The following LRCH3 variants were observed in gnomAD, a reference collection of about 807,000 sequenced individuals.
LRCH3 encodes leucine rich repeats and calponin homology domain containing 3.
LRCH3 carries 68 observed loss-of-function variants against 104.5 expected under a neutral mutation model. The observed-to-expected ratio is 0.65, with a 90% CI of 0.54 to 0.80. The LOEUF is 0.80. Ranked by LOEUF, LRCH3 falls within the 30% of genes least tolerant of loss-of-function variation. The pLI, the probability that LRCH3 is intolerant of heterozygous loss-of-function variation, is 0.00. For synonymous variants in LRCH3, 344 were observed against 361.3 expected, an observed-to-expected ratio of 0.95 and a Z score of 0.54; for missense variants, 951 against 953.9, an observed-to-expected ratio of 1.00 and a Z score of 0.04.
At position 197,854,431 on chromosome 3, in the gene LRCH3, A is replaced by G. The variant is rs1484280668; in HGVS notation, c.1630A>G (p.Ser544Gly). 1.9e-6 allele frequency: 3 copies of G among 1,614,152 alleles called. No individual in the cohort carries two copies. Among genetic ancestry groups the G allele is most frequent in the Admixed American group, 3.3e-5 (2 of 60,022 alleles). ...CAGAAGGTCTCAGCACACTGATGAT[A>G]GTGCCTTGTGCATGGTAAGAGTTTT... ...PSRRSQHTDD[S>G]ALCMSLSGLN... The change falls in exon 14 of 21, where the codon AGT (serine) becomes GGT (glycine). Residue 544 changes from serine (S) to glycine (G), a missense_variant. Physicochemically the swap from Ser to Gly is moderately conservative, Grantham distance 56. Coordinates refer to ENST00000425562, the MANE Select transcript of LRCH3 (RefSeq NM_001365715.1). This position sits in a 1 kb window ranked among gnomAD's most constrained non-coding sequence, Gnocchi z 4.5.
At chr3:197,880,878 C>A in intron 20 of LRCH3, 2 of 1,440,422 alleles carry the variant, frequency 1.4e-6, no homozygotes, top group Non-Finnish European at 1.8e-6. Context: ...AGATGAGCAC[C>A]CCCTCACATT....
intron 20 of LRCH3, chr3:197,881,069 C>G: frequency 1.8e-6 from 2 of 1,094,626 alleles, no homozygotes; most frequent in Non-Finnish European, 2.2e-6. Context: ...CCAAGTCACA[C>G]AATACAACTC....
rs186058825 is a variant in LRCH3, at chr3:197,824,627, C to T, written c.641-2251C>T. ...TGTCACCCAGGCTGGAGTACAGTGG[C>T]GCGATCTCGGCTCACGGTAACCTCT... On this transcript the variant is annotated intron_variant, in intron 4 of 20. Transcript: ENST00000425562. Among the ~76,000 whole-genome samples the T allele has an allele frequency of 2.1e-4, 31 of 147,124 alleles. 1 individual carries two copies. Among genetic ancestry groups the T allele is most frequent in the South Asian group, 4.3e-4 (2 of 4,606 alleles).
chr3:197,871,081 G>GT (rs996553141), intron 18 of LRCH3, among the ~76,000 whole-genome samples: 152 of 146,748 alleles, frequency 1.0e-3, no homozygotes, highest in Admixed American at 4.4e-3. Flanking sequence ...GAGAATCTAG[G>GT]TTTTTTTTTT....
chr3:197,798,216 G>A (rs774726996), intron 1 of LRCH3, among the ~76,000 whole-genome samples: 3 of 152,034 alleles, frequency 2.0e-5, no homozygotes, highest in East Asian at 1.9e-4. Context: ...AGCGGAGGTC[G>A]CACCACTGCT....
At position 197,871,367 on chromosome 3, in the gene LRCH3, G is replaced by A. The variant is rs1472352085; in HGVS notation, c.2035G>A (p.Gly679Arg). 8.7e-6 allele frequency: 14 copies of A among 1,613,756 alleles called. No homozygotes were observed. The Middle Eastern group carries it at 6.6e-4, about 76-fold the overall frequency. ...GAAAGTGTCTCTACCTTGTGATCTCGGAGCAGCTCTAACTGACGGTGTTGT... is the reference window on the plus strand; with the variant it reads ...GAAAGTGTCTCTACCTTGTGATCTCAGAGCAGCTCTAACTGACGGTGTTGT... ...RLKVSLPCDLGAALTDGVVLC... is the reference protein window; with the variant it reads ...RLKVSLPCDLRAALTDGVVLC... The change falls in exon 19 of 21, where the codon GGA (glycine) becomes AGA (arginine). Residue 679 changes from glycine (G) to arginine (R), a missense_variant. Coordinates refer to ENST00000425562, the MANE Select transcript of LRCH3 (RefSeq NM_001365715.1).
intron 20 of LRCH3, among the ~76,000 whole-genome samples, chr3:197,880,004 G>A (rs577283129): frequency 3.3e-5 from 5 of 149,976 alleles, no homozygotes; most frequent in Non-Finnish European, 1.5e-5. Flanking sequence ...GGAGTGCGGT[G>A]GCGCGATCTC....
Position 197,791,495 on chromosome 3 carries a change from C to T in LRCH3, c.217C>T (p.Pro73Ser), listed in dbSNP as rs750518494. 27 of 1,600,072 alleles carry T rather than the reference C, an allele frequency of 1.7e-5. No homozygotes were observed. Among genetic ancestry groups the T allele is most frequent in the South Asian group, 1.5e-4 (13 of 89,322 alleles). The change falls in exon 1 of 21, where the codon CCC becomes TCC. Residue 73 changes from proline (P) to serine (S), a missense_variant. By Grantham distance (74) the Pro-to-Ser change is moderately conservative (BLOSUM62 -1). Coordinates refer to ENST00000425562, the MANE Select transcript of LRCH3 (RefSeq NM_001365715.1). ...SLSGRKLREFPRGAANHDLTD... is the reference protein window; with the variant it reads ...SLSGRKLREFSRGAANHDLTD... ...GAGCGGCCGGAAACTGAGGGAGTTT[C>T]CCCGGGGAGCGGCCAACCACGACCT...
intron 8 of LRCH3, among the ~76,000 whole-genome samples, chr3:197,832,571 C>T (rs952574809): frequency 6.6e-6 from 1 of 152,150 alleles, no homozygotes; most frequent in African/African-American, 2.4e-5. Context: ...AGAGACAGTA[C>T]ACCTGGAGCA....
chr3:197,807,757 G>A (rs1397538049), intron 1 of LRCH3, among the ~76,000 whole-genome samples: 1 of 151,928 alleles, frequency 6.6e-6, no homozygotes, highest in Non-Finnish European at 1.5e-5. Flanking sequence ...GTATCTCTTT[G>A]TGTAGCTCTC....
intron 14 of LRCH3, among the ~76,000 whole-genome samples, chr3:197,855,940 A>T (rs964488962): frequency 1.3e-5 from 2 of 152,246 alleles, no homozygotes; most frequent in Non-Finnish European, 1.5e-5. Context: ...ACTGTGCTTC[A>T]GAAGGCTCCC....
intron 10 of LRCH3, among the ~76,000 whole-genome samples, chr3:197,843,485 C>G (rs1490467866): frequency 6.6e-6 from 1 of 152,128 alleles, no homozygotes; most frequent in Non-Finnish European, 1.5e-5. Flanking sequence ...GAATTCAAGA[C>G]CAGCCTGGCC....
At chr3:197,795,082 A>T (rs1354718021) in intron 1 of LRCH3, among the ~76,000 whole-genome samples, 1 of 152,148 alleles carries the variant, frequency 6.6e-6, no homozygotes. Context: ...GATCCAGTGG[A>T]CAAGGAAAGT....
chr3:197,823,350 T>G (rs1217431760), intron 4 of LRCH3: 1 of 152,092 alleles, frequency 6.6e-6, no homozygotes, highest in Non-Finnish European at 1.5e-5. Context: ...TCCGCCTGCC[T>G]CAGCCTCCCA....
At chr3:197,859,744 GTTAT>G (rs1443032541) in intron 15 of LRCH3, among the ~76,000 whole-genome samples, 2 of 150,994 alleles carry the variant, frequency 1.3e-5, no homozygotes, top group Non-Finnish European at 3.0e-5. Flanking sequence ...AGATTTTCTA[GTTAT>G]TTAGCATTTT....
intron 15 of LRCH3, chr3:197,859,160 G>T: frequency 4.5e-6 from 2 of 445,094 alleles, no homozygotes; most frequent in South Asian, 5.4e-5. Context: ...TTTTATCAAA[G>T]GTGTTTTTCT....
intron 9 of LRCH3, among the ~76,000 whole-genome samples, chr3:197,836,747 G>A (rs1242652150): frequency 2.0e-5 from 3 of 152,194 alleles, no homozygotes; most frequent in Non-Finnish European, 2.9e-5. Context: ...GCACGATCTC[G>A]GCTTACTGCA....
At chr3:197,838,332 G>A (rs1358951583) in intron 9 of LRCH3, among the ~76,000 whole-genome samples, 1 of 152,198 alleles carries the variant, frequency 6.6e-6, no homozygotes, top group African/African-American at 2.4e-5. Context: ...TAGAATTGTA[G>A]TTTATTATTT....
chr3:197,831,894 G>A (rs1433443392), intron 7 of LRCH3, among the ~76,000 whole-genome samples: 1 of 151,668 alleles, frequency 6.6e-6, no homozygotes, highest in Non-Finnish European at 1.5e-5. Context: ...TGGGATTATA[G>A]GCATCAGCCA....
Sources: allele counts gnomAD v4.1 joint callset (sites outside exome capture counted in the v4.1 genomes callset), GRCh38; gene constraint gnomAD v4.1.1; non-coding constraint Gnocchi (gnomAD v3.1); transcripts MANE v1.5; gene names NCBI Gene and HGNC (gene_info 2026-07-23, HGNC 2026-07-21).